The following MAP4 variants were observed in gnomAD, a reference collection of about 807,000 sequenced individuals.
The protein encoded by MAP4 is microtubule associated protein 4, also known as microtubule-associated protein 4.
Under a neutral mutation model 170.2 loss-of-function variants are expected in MAP4, and 76 were observed. That is an observed-to-expected ratio of 0.45 (90% confidence interval 0.37 to 0.54). MAP4 has a LOEUF of 0.54. MAP4 is among the 20% of genes least tolerant of loss of function. The pLI is 0.00. For missense variants in MAP4, 2,506 were observed against 2,748.0 expected (o/e 0.91, Z 1.97); for synonymous variants, 909 against 994.5 (o/e 0.91, Z 1.62).
chr3:47,970,704 C>T (rs1307599531), intron 3 of MAP4, among the ~76,000 whole-genome samples: 1 of 151,198 alleles, frequency 6.6e-6, no homozygotes, highest in Non-Finnish European at 1.5e-5. Context: ...CCAGCTACAG[C>T]AACTTGGGAG....
chr3:48,072,842 C>T (rs2100141677), intron 1 of MAP4, among the ~76,000 whole-genome samples: 1 of 152,194 alleles, frequency 6.6e-6, no homozygotes, highest in Non-Finnish European at 1.5e-5. Flanking sequence ...CTGACTGCAG[C>T]ATCAATTGAA....
intron 1 of MAP4, among the ~76,000 whole-genome samples, chr3:48,002,247 G>GA (rs1199555648): frequency 6.9e-6 from 1 of 144,972 alleles, no homozygotes; most frequent in African/African-American, 2.6e-5. Flanking sequence ...GTCTCAAAAA[G>GA]AAAAAAAAAA....
At chr3:48,070,811 G>C (rs1016141944) in intron 1 of MAP4, among the ~76,000 whole-genome samples, 1 of 151,162 alleles carries the variant, frequency 6.6e-6, no homozygotes. Flanking sequence ...AGACCAGCCT[G>C]GGCAACATAG....
intron 1 of MAP4, among the ~76,000 whole-genome samples, chr3:48,056,702 T>A (rs1304259648): frequency 1.3e-4 from 9 of 69,374 alleles, no homozygotes; most frequent in Admixed American, 2.6e-4. Context: ...CCGCCCCGTC[T>A]GGGAGGTGAG....
In MAP4 at chr3:48,030,155, G is replaced by T. The variant is rs556511623; in HGVS notation, c.-19-31276C>A. The stretch of plus-strand genomic sequence containing the variant: ...TGTAATCCCACCACTTTGAAAGGCT[G>T]AGGTGGGAGGATCATCTAAGGCTAA... On this transcript the variant is annotated intron_variant, in intron 1 of 18. Coordinates refer to the MAP4 transcript ENST00000360240. Among the ~76,000 whole-genome samples the T allele has an allele frequency of 1.2e-4, 18 of 150,824 alleles. No homozygotes were observed. The South Asian group carries it at 3.7e-3, about 31-fold the overall frequency.
At chr3:47,998,029 A>G (rs928049788) in intron 2 of MAP4, among the ~76,000 whole-genome samples, 2 of 152,206 alleles carry the variant, frequency 1.3e-5, no homozygotes, top group Non-Finnish European at 2.9e-5. Flanking sequence ...TATCAATTCT[A>G]TGCAAACTAT....
chr3:48,068,208 T>C (rs2100139216), intron 1 of MAP4, among the ~76,000 whole-genome samples: 1 of 138,718 alleles, frequency 7.2e-6, no homozygotes, highest in Non-Finnish European at 1.5e-5. Flanking sequence ...GAGGCTGCAA[T>C]GAGCCAAGAT....
chr3:47,925,959 A>G (rs1425746194), intron 4 of MAP4, among the ~76,000 whole-genome samples: 3 of 151,886 alleles, frequency 2.0e-5, no homozygotes, highest in Non-Finnish European at 4.4e-5. Flanking sequence ...GGCTCAAGTG[A>G]TTCTCCTGCC....
intron 3 of MAP4, among the ~76,000 whole-genome samples, chr3:47,929,868 C>T (rs2100048446): frequency 6.6e-6 from 1 of 152,104 alleles, no homozygotes; most frequent in Non-Finnish European, 1.5e-5. Flanking sequence ...GTGGCTCATG[C>T]CTGTAATCCC....
chr3:47,925,293 C>T (rs1310121813), intron 4 of MAP4, among the ~76,000 whole-genome samples: 5 of 152,106 alleles, frequency 3.3e-5, no homozygotes, highest in Non-Finnish European at 7.3e-5. Flanking sequence ...CTCAACTTTC[C>T]GCTGAGGAAA....
At chr3:48,026,153 G>A (rs1167301661) in intron 1 of MAP4, among the ~76,000 whole-genome samples, 1 of 152,018 alleles carries the variant, frequency 6.6e-6, no homozygotes. Flanking sequence ...CAAATGTTTT[G>A]GCCAAAATTG....
chr3:47,869,429 C>A, intron 15 of MAP4, 102 bp from the exon 16 acceptor site: 2 of 770,632 alleles, frequency 2.6e-6, no homozygotes, highest in Admixed American at 2.2e-5. Flanking sequence ...CAGGTCAGGC[C>A]ACCAGGCAAA....
intron 2 of MAP4, among the ~76,000 whole-genome samples, chr3:47,984,680 A>G (rs2100087528): frequency 6.6e-6 from 1 of 151,944 alleles, no homozygotes; most frequent in Non-Finnish European, 1.5e-5. Context: ...AAAAAAAAAA[A>G]AATACACAAA....
rs541706038 is a variant in MAP4 at position 47,938,668 on chromosome 3, G to A, written c.293-10318C>T. 1.1e-4 allele frequency among the ~76,000 whole-genome samples: 16 copies of A among 152,310 alleles called. No homozygotes were observed. The South Asian group carries it at 3.3e-3, about 32-fold the overall frequency. Reference sequence around the variant, plus strand: ...CAAAGTGCTAGGATTACATGCATGAGCCTCTATACCAGGCCCATATTTGAG... The same window carrying A: ...CAAAGTGCTAGGATTACATGCATGAACCTCTATACCAGGCCCATATTTGAG... On this transcript the variant is annotated intron_variant, in intron 3 of 20. Coordinates refer to ENST00000683076, the MANE Select transcript of MAP4 (RefSeq NM_001385682.1).
chr3:47,963,777 A>C (rs992483324), intron 3 of MAP4, among the ~76,000 whole-genome samples: 4 of 152,206 alleles, frequency 2.6e-5, no homozygotes, highest in Non-Finnish European at 5.9e-5. Context: ...CTGGTGGGGA[A>C]AGGCAGATGA....
At chr3:47,877,581 G>GA in intron 10 of MAP4, 58 bp from the exon 11 acceptor site, 1 of 1,189,996 alleles carries the variant, frequency 8.4e-7, no homozygotes, top group Admixed American at 2.1e-5. Context: ...TGCCCATTTT[G>GA]AAAATACAAG....
At chr3:47,955,573 T>C (rs891715134) in intron 3 of MAP4, among the ~76,000 whole-genome samples, 2 of 151,930 alleles carry the variant, frequency 1.3e-5, no homozygotes, top group Non-Finnish European at 2.9e-5. Context: ...TACAAAGTAG[T>C]TGATGCGAGA....
At chr3:47,892,590 A>G in intron 10 of MAP4, 1 of 1,429,160 alleles carries the variant, frequency 7.0e-7, no homozygotes, top group Admixed American at 2.9e-5. Flanking sequence ...ATTCCCCAGT[A>G]TTCATGACAA....
intron 1 of MAP4, among the ~76,000 whole-genome samples, chr3:48,028,042 A>G (rs1335366513): frequency 6.6e-6 from 1 of 152,224 alleles, no homozygotes; most frequent in Non-Finnish European, 1.5e-5. Flanking sequence ...CTGTAATCCC[A>G]GTACTTTGGG....
Sources: allele counts gnomAD v4.1 joint callset (sites outside exome capture counted in the v4.1 genomes callset), GRCh38; gene constraint gnomAD v4.1.1; transcripts MANE v1.5; gene names NCBI Gene and HGNC (gene_info 2026-07-23, HGNC 2026-07-21).